The following SLMAP variants were observed in gnomAD, a reference collection of about 807,000 sequenced individuals.
SLMAP encodes the protein sarcolemmal membrane-associated protein.
Under a neutral mutation model 128.8 loss-of-function variants are expected in SLMAP, and 44 were observed. That is an observed-to-expected ratio of 0.34 (90% confidence interval 0.27 to 0.44). The LOEUF (loss-of-function observed/expected upper bound fraction) is 0.44, where lower values mean the gene tolerates loss of function less well. Among genes scored for constraint, SLMAP ranks in the 20% least tolerant of loss-of-function variants. SLMAP has a pLI of 1.00. For synonymous variants in SLMAP, 327 were observed against 348.8 expected, an observed-to-expected ratio of 0.94 and a Z score of 0.70; for missense variants, 787 against 985.3, an observed-to-expected ratio of 0.80 and a Z score of 2.69.
At chr3:57,856,338 A>G (rs1373742961) in intron 6 of SLMAP, among the ~76,000 whole-genome samples, 2 of 152,230 alleles carry the variant, frequency 1.3e-5, no homozygotes, top group African/African-American at 4.8e-5. Flanking sequence ...TTGTATTCAC[A>G]CTTAGCTTAA....
At chr3:57,885,577 G>A (rs1270584938) in intron 14 of SLMAP, among the ~76,000 whole-genome samples, 1 of 148,426 alleles carries the variant, frequency 6.7e-6, no homozygotes, top group African/African-American at 2.5e-5. Context: ...CCACCACCAC[G>A]ACTGGCTAAA....
At chr3:57,853,997 A>ATT (rs2094633539) in intron 6 of SLMAP, among the ~76,000 whole-genome samples, 3 of 109,234 alleles carry the variant, frequency 2.7e-5, no homozygotes, top group Admixed American at 1.0e-4. Flanking sequence ...ATATATATAT[A>ATT]TATTTACATA....
chr3:57,929,418 A>T lies in SLMAP; in HGVS notation c.*2129A>T, dbSNP rs185407792. 5.9e-5 allele frequency among the ~76,000 whole-genome samples: 9 copies of T among 152,260 alleles called. No individual in the cohort carries two copies. Among genetic ancestry groups the T allele is most frequent in the Admixed American group, 4.6e-4 (7 of 15,288 alleles). On this transcript the variant is annotated 3_prime_UTR_variant, in exon 25 of 25. Transcript: ENST00000671191. ...GTCACTTGCTAGACTGGTCTCTTTAAATGTAAGGTCTAGTATCAATATTTA... is the reference window on the plus strand; with the variant it reads ...GTCACTTGCTAGACTGGTCTCTTTATATGTAAGGTCTAGTATCAATATTTA...
chr3:57,889,086 A>T (rs1369627877), intron 14 of SLMAP, among the ~76,000 whole-genome samples: 2 of 152,054 alleles, frequency 1.3e-5, no homozygotes, highest in African/African-American at 2.4e-5. Flanking sequence ...GGGTTTCATC[A>T]TGTTAGCCAG....
intron 21 of SLMAP, 29 bp from the exon 22 acceptor site, chr3:57,916,877 A>G (rs1044243102): frequency 1.3e-6 from 2 of 1,594,358 alleles, no homozygotes; most frequent in Non-Finnish European, 1.7e-6. Context: ...CTACCTGTGA[A>G]TAACTATCTG....
rs904904110 is a variant in SLMAP, at chr3:57,881,761, A to AT, written c.1301-8274dup. ...GAGCTGCTGCACCCGGCCAAAATAT[A>AT]TTTTTTCTTTATTTACAGGCCTCTA... On this transcript the variant is annotated intron_variant, in intron 14 of 24. Transcript: ENST00000671191. Among the ~76,000 whole-genome samples, 38 of 152,052 alleles carry AT rather than the reference A, an allele frequency of 2.5e-4. 1 individual carries two copies. Among genetic ancestry groups the AT allele is most frequent in the Non-Finnish European group, 1.6e-4 (11 of 68,016 alleles).
At chr3:57,759,245 G>A (rs1209737305) in intron 2 of SLMAP, among the ~76,000 whole-genome samples, 2 of 151,858 alleles carry the variant, frequency 1.3e-5, no homozygotes, top group Non-Finnish European at 2.9e-5. Context: ...CTGAAGTTAG[G>A]GTGCCTAAAA....
chr3:57,865,799 C>T (rs79359034), intron 13 of SLMAP, among the ~76,000 whole-genome samples: 1,921 of 152,284 alleles, frequency 0.013, 28 homozygotes, highest in African/African-American at 0.044. Context: ...TGTGACCCTT[C>T]TTTCTGGACA....
In SLMAP at chr3:57,883,561, T is replaced by G. The variant is rs78595249; in HGVS notation, c.1301-6480T>G. Among the ~76,000 whole-genome samples, 872 of 152,300 alleles carry G rather than the reference T, an allele frequency of 5.7e-3. 5 individuals carry two copies. The highest frequency in any genetic ancestry group is 8.0e-3 in the Non-Finnish European group (543 of 68,030). On this transcript the variant is annotated intron_variant, in intron 14 of 24. Transcript: ENST00000671191. ...TCCTAGAAGTTAAAGTAGTAGTGTT[T>G]CCAAAGGGAGGCAGTAAACTTGATT... is the stretch of plus-strand genomic sequence containing the variant.
At chr3:57,769,105 T>C (rs2080299075) in intron 2 of SLMAP, among the ~76,000 whole-genome samples, 4 of 152,222 alleles carry the variant, frequency 2.6e-5, no homozygotes, top group African/African-American at 9.6e-5. Flanking sequence ...TAAAATTGAT[T>C]GTGGCGATGG....
intron 15 of SLMAP, among the ~76,000 whole-genome samples, chr3:57,894,610 A>G (rs1431424310): frequency 6.6e-6 from 1 of 152,218 alleles, no homozygotes; most frequent in Non-Finnish European, 1.5e-5. Flanking sequence ...ATAATACAAA[A>G]TAAAGTATGA....
At chr3:57,920,361 C>T (rs1163135916) in intron 22 of SLMAP, among the ~76,000 whole-genome samples, 1 of 152,056 alleles carries the variant, frequency 6.6e-6, no homozygotes, top group Non-Finnish European at 1.5e-5. Flanking sequence ...CATATTTTAC[C>T]TCCCTCTCTG....
In SLMAP at chr3:57,896,912, C is replaced by T. The variant is rs1419510194; in HGVS notation, c.1481C>T (p.Ala494Val). 2 of 1,612,600 alleles carry T rather than the reference C, an allele frequency of 1.2e-6. No individual in the cohort carries two copies. Among genetic ancestry groups the T allele is most frequent in the East Asian group, 4.5e-5 (2 of 44,822 alleles). ...MDEQDLNEPLAKVSLLKDDLQ... is the reference protein window; with the variant it reads ...MDEQDLNEPLVKVSLLKDDLQ... The stretch of plus-strand genomic sequence containing the variant: ...GAGCAAGACCTAAATGAGCCTCTTG[C>T]CAAAGTGTCCCTTTTAAAAGGTACT... The change falls in exon 17 of 25, where the codon GCC (alanine) becomes GTC (valine). Residue 494 changes from alanine (A) to valine (V), a missense_variant. By Grantham distance (64) the Ala-to-Val change is moderately conservative. Coordinates refer to ENST00000671191, the MANE Select transcript of SLMAP (RefSeq NM_001377540.1).
chr3:57,906,310 C>CTTTTTTTTTTTTTTTTTTTCTTTTTTTTT (rs2096552295), intron 17 of SLMAP, among the ~76,000 whole-genome samples: 1 of 47,048 alleles, frequency 2.1e-5, no homozygotes, highest in African/African-American at 7.1e-5. Context: ...CTTTTTTTTT[C>CTTTTTTTTTTTTTTTTTTTCTTTTTTTTT]TTTTTTTTTT....
intron 15 of SLMAP, among the ~76,000 whole-genome samples, chr3:57,892,836 T>TC (rs1559467662): frequency 1.3e-5 from 2 of 148,230 alleles, no homozygotes; most frequent in African/African-American, 2.5e-5. Context: ...GCTTTCTTTT[T>TC]TTTTTTTTTT....
chr3:57,787,665 G>A (rs1473888266), intron 2 of SLMAP, among the ~76,000 whole-genome samples: 1 of 152,072 alleles, frequency 6.6e-6, no homozygotes, highest in Admixed American at 6.5e-5. Context: ...TAGTAGAGAC[G>A]GGGTTTCACC....
chr3:57,775,256 G>T (rs2081610134), intron 2 of SLMAP, among the ~76,000 whole-genome samples: 1 of 150,974 alleles, frequency 6.6e-6, no homozygotes, highest in South Asian at 2.1e-4. Context: ...GGGTTTCACC[G>T]TGGTCTCGAT....
At chr3:57,761,800 CACTTTGGGA>C (rs2078695477) in intron 2 of SLMAP, among the ~76,000 whole-genome samples, 1 of 150,958 alleles carries the variant, frequency 6.6e-6, no homozygotes, top group Non-Finnish European at 1.5e-5. Flanking sequence ...GTAATCCCAG[CACTTTGGGA>C]GGCCGAGGCG....
At chr3:57,899,355 T>G (rs2096313972) in intron 17 of SLMAP, 1 of 152,228 alleles carries the variant, frequency 6.6e-6, no homozygotes, top group African/African-American at 2.4e-5. Context: ...TGTGTGCAGA[T>G]GCTATTAGTA....
Sources: allele counts gnomAD v4.1 joint callset (sites outside exome capture counted in the v4.1 genomes callset), GRCh38; gene constraint gnomAD v4.1.1; transcripts MANE v1.5; gene names NCBI Gene and HGNC (gene_info 2026-07-23, HGNC 2026-07-21).